Variants in KCNH1 observed in about 807,000 individuals in gnomAD.
KCNH1 encodes the protein voltage-gated delayed rectifier potassium channel KCNH1.
A neutral mutation model predicts 69.2 loss-of-function variants in KCNH1; 27 were observed. That is an observed-to-expected ratio of 0.39 (90% CI 0.29 to 0.54). KCNH1 has a LOEUF of 0.54. Ranked by LOEUF, KCNH1 falls within the 20% of genes least tolerant of loss-of-function variation. The pLI, the probability that KCNH1 is intolerant of heterozygous loss-of-function variation, is 0.68. For missense variants in KCNH1, 798 were observed against 1,261.6 expected, an observed-to-expected ratio of 0.63 and a Z score of 5.57; for synonymous variants, 456 against 487.7, an observed-to-expected ratio of 0.93 and a Z score of 0.86.
At chr1:210,868,383 AT>A (rs1686161813) in intron 7 of KCNH1, among the ~76,000 whole-genome samples, 1 of 151,726 alleles carries the variant, frequency 6.6e-6, no homozygotes, top group African/African-American at 2.4e-5. Flanking sequence ...CATTTTCTTA[AT>A]GGTGTCTTTC....
chr1:210,848,966 T>C (rs1440891468), intron 7 of KCNH1, among the ~76,000 whole-genome samples: 1 of 152,088 alleles, frequency 6.6e-6, no homozygotes, highest in African/African-American at 2.4e-5. Flanking sequence ...TGTACACAAC[T>C]AATTACAATT....
At chr1:210,866,913 T>C (rs1266978170) in intron 7 of KCNH1, among the ~76,000 whole-genome samples, 1 of 144,134 alleles carries the variant, frequency 6.9e-6, no homozygotes, top group Non-Finnish European at 1.6e-5. Flanking sequence ...AGCCATACAA[T>C]AAATTATTAT....
At chr1:210,849,287 T>A (rs575092797) in intron 7 of KCNH1, among the ~76,000 whole-genome samples, 1 of 152,136 alleles carries the variant, frequency 6.6e-6, no homozygotes, top group East Asian at 1.9e-4. Context: ...CTTGGAGGAT[T>A]TGAATTAGAA....
chr1:210,751,882 C>G (rs1338928675), intron 10 of KCNH1, among the ~76,000 whole-genome samples: 2 of 152,054 alleles, frequency 1.3e-5, no homozygotes, highest in Non-Finnish European at 2.9e-5. Context: ...GATACCTGCT[C>G]TAAAGGACAA....
intron 6 of KCNH1, among the ~76,000 whole-genome samples, chr1:210,921,673 C>A (rs1162530265): frequency 6.6e-6 from 1 of 152,176 alleles, no homozygotes; most frequent in Non-Finnish European, 1.5e-5. Flanking sequence ...CACTTCCAGG[C>A]CACGGCAGTT....
chr1:210,876,304 C>T (rs1020951187), intron 7 of KCNH1, among the ~76,000 whole-genome samples: 1 of 152,178 alleles, frequency 6.6e-6, no homozygotes, highest in Non-Finnish European at 1.5e-5. Context: ...GGAAACATCT[C>T]TGTTTGGCAT....
intron 7 of KCNH1, among the ~76,000 whole-genome samples, chr1:210,848,757 T>C (rs529871521): frequency 1.7e-4 from 26 of 152,318 alleles, no homozygotes; most frequent in Admixed American, 1.3e-4. Flanking sequence ...ATATACTATA[T>C]ATTTGACTTC....
chr1:210,862,172 T>C (rs1024031257), intron 7 of KCNH1: 1 of 1,352,716 alleles, frequency 7.4e-7, no homozygotes, highest in South Asian at 1.2e-5. Context: ...TGGAGCAGCG[T>C]TGAGACAAAA....
rs188189851 is a variant in KCNH1 at position 210,779,691 on chromosome 1, T to G, written c.1916-4147A>C. Among the ~76,000 whole-genome samples, 752 of 151,998 alleles carry G rather than the reference T, an allele frequency of 4.9e-3. 6 individuals carry two copies. The highest frequency in any genetic ancestry group is 0.017 in the African/African-American group (712 of 41,428). On this transcript the variant is annotated intron_variant, in intron 9 of 10. Coordinates refer to ENST00000271751, the MANE Select transcript of KCNH1 (RefSeq NM_172362.3). ...GTTAAAACTTAATGTTCCAAGTCTC[T>G]AAAATACTAACATTCTAAATGGACA...
intron 6 of KCNH1, among the ~76,000 whole-genome samples, chr1:211,006,649 TA>T (rs1485806711): frequency 6.6e-6 from 1 of 152,130 alleles, no homozygotes; most frequent in Non-Finnish European, 1.5e-5. Context: ...TAGAATTCAT[TA>T]AAAAGCATAT....
chr1:211,073,438 C>T (rs1440139015), intron 5 of KCNH1, among the ~76,000 whole-genome samples: 1 of 152,146 alleles, frequency 6.6e-6, no homozygotes, highest in Non-Finnish European at 1.5e-5. Flanking sequence ...CTCAAGGTCA[C>T]ATGGAACATT....
chr1:211,082,916 G>A lies in KCNH1; in HGVS notation c.440-18C>T, dbSNP rs781520578. The stretch of plus-strand genomic sequence containing the variant: ...CCCCCAGCCTGAAGCAAGTGGAAGA[G>A]TGAAAAGACAGGGTCAACCACATCC... On this transcript the variant is annotated intron_variant, in intron 4 of 10. Coordinates refer to ENST00000271751, the MANE Select transcript of KCNH1 (RefSeq NM_172362.3). The A allele has an allele frequency of 8.1e-6, 13 of 1,600,624 alleles. No individual in the cohort carries two copies. Among genetic ancestry groups the A allele is most frequent in the Non-Finnish European group, 1.1e-5 (13 of 1,169,054 alleles).
intron 6 of KCNH1, among the ~76,000 whole-genome samples, chr1:210,989,323 T>C (rs1688899644): frequency 1.3e-5 from 2 of 152,270 alleles, no homozygotes; most frequent in South Asian, 4.1e-4. Flanking sequence ...AAAATACTAC[T>C]TTTGTGAATA....
At chr1:211,029,836 A>C (rs968127050) in intron 5 of KCNH1, among the ~76,000 whole-genome samples, 13 of 152,260 alleles carry the variant, frequency 8.5e-5, no homozygotes, top group African/African-American at 3.1e-4. Context: ...AAGTGAGTTC[A>C]GCAAGGTCAT....
At chr1:211,012,944 CTAAAGAA>C (rs1425795121) in intron 6 of KCNH1, among the ~76,000 whole-genome samples, 4 of 152,102 alleles carry the variant, frequency 2.6e-5, no homozygotes, top group African/African-American at 7.2e-5. Context: ...TAAAACAGCT[CTAAAGAA>C]TAAAGTCTAC....
intron 6 of KCNH1, among the ~76,000 whole-genome samples, chr1:211,017,803 G>C (rs1689518759): frequency 6.6e-6 from 1 of 152,080 alleles, no homozygotes; most frequent in Non-Finnish European, 1.5e-5. Context: ...TCCATTGCCT[G>C]CAGGACTAAC....
intron 10 of KCNH1, among the ~76,000 whole-genome samples, chr1:210,715,576 C>A (rs898473740): frequency 2.6e-5 from 4 of 151,146 alleles, no homozygotes; most frequent in African/African-American, 7.3e-5. Context: ...CATTACTAAT[C>A]TTTCATAAAA....
intron 10 of KCNH1, among the ~76,000 whole-genome samples, chr1:210,729,045 G>A (rs935507889): frequency 1.3e-5 from 2 of 152,346 alleles, no homozygotes; most frequent in African/African-American, 4.8e-5. Flanking sequence ...GGACTATAAT[G>A]TGGCTGAGGT....
intron 5 of KCNH1, among the ~76,000 whole-genome samples, chr1:211,064,357 G>A (rs1031496254): frequency 3.9e-5 from 6 of 152,260 alleles, no homozygotes; most frequent in Middle Eastern, 6.8e-3. Flanking sequence ...TCAGGAGATC[G>A]AGACCAGCCT....
Sources: gnomAD v4.1 joint callset for allele counts (sites outside exome capture counted in the v4.1 genomes callset) on GRCh38, gnomAD v4.1.1 for gene constraint, MANE v1.5 for transcripts, NCBI Gene and HGNC (gene_info 2026-07-23, HGNC 2026-07-21) for gene names.